The following DSCAML1 variants were observed in gnomAD, a reference collection of about 807,000 sequenced individuals.
DSCAML1 encodes the protein cell adhesion molecule DSCAML1.
DSCAML1 carries 38 observed loss-of-function variants against 200.5 expected under a neutral mutation model. The observed-to-expected ratio is 0.19, with a 90% confidence interval of 0.15 to 0.25. The LOEUF is 0.25. Ranked by LOEUF, DSCAML1 falls within the 10% of genes least tolerant of loss-of-function variation. The pLI, the probability that DSCAML1 is intolerant of heterozygous loss-of-function variation, is 1.00. For synonymous variants in DSCAML1, 1,215 were observed against 1,165.0 expected, an observed-to-expected ratio of 1.04 and a Z score of -0.87; for missense variants, 2,223 against 2,858.8, an observed-to-expected ratio of 0.78 and a Z score of 5.07.
rs1241994588 is a variant in DSCAML1, at chr11:117,803,917, G to A, written c.-250+13473C>T. On this transcript the variant is annotated intron_variant, in intron 1 of 2. Coordinates refer to the DSCAML1 transcript ENST00000525836. Reference sequence around the variant, plus strand: ...ACAGGCTGGACTTGCCAGTCCATGCGCTGGAGGATCTCAGGATGGGAGACA... The same window carrying A: ...ACAGGCTGGACTTGCCAGTCCATGCACTGGAGGATCTCAGGATGGGAGACA... Among the ~76,000 whole-genome samples the A allele has an allele frequency of 5.3e-5, 8 of 152,336 alleles. 1 individual carries two copies. In the South Asian group the frequency reaches 6.2e-4, roughly 12 times the overall value.
At chr11:117,513,600 G>C (rs1252581467) in intron 8 of DSCAML1, among the ~76,000 whole-genome samples, 1 of 152,066 alleles carries the variant, frequency 6.6e-6, no homozygotes, top group Non-Finnish European at 1.5e-5. Flanking sequence ...AATTAGCTGG[G>C]CGTGGTGGCG....
intron 3 of DSCAML1, among the ~76,000 whole-genome samples, chr11:117,532,982 A>G (rs1269552097): frequency 2.0e-5 from 3 of 148,716 alleles, no homozygotes; most frequent in Admixed American, 2.0e-4. Context: ...AAAAAAAAAA[A>G]TTAAACAATT....
At chr11:117,569,074 C>G (rs1326403491) in intron 3 of DSCAML1, among the ~76,000 whole-genome samples, 1 of 152,124 alleles carries the variant, frequency 6.6e-6, no homozygotes, top group African/African-American at 2.4e-5. Context: ...CGCATATCTA[C>G]AACTATCTGA....
intron 3 of DSCAML1, among the ~76,000 whole-genome samples, chr11:117,630,330 C>T (rs2052143815): frequency 6.6e-6 from 1 of 152,192 alleles, no homozygotes; most frequent in Non-Finnish European, 1.5e-5. Flanking sequence ...TGCCTGCTTG[C>T]TGCTAGTGGG....
chr11:117,541,322 G>A (rs866041019), intron 3 of DSCAML1, among the ~76,000 whole-genome samples: 17 of 152,314 alleles, frequency 1.1e-4, no homozygotes, highest in Middle Eastern at 3.4e-3. Flanking sequence ...TGGAGCACAC[G>A]CTGCTTCTGT....
At chr11:117,763,083 C>T (rs1031074434) in intron 3 of DSCAML1, among the ~76,000 whole-genome samples, 3 of 152,128 alleles carry the variant, frequency 2.0e-5, no homozygotes, top group African/African-American at 4.8e-5. Flanking sequence ...TTCCCCTTGC[C>T]GGTTCCTGGG....
chr11:117,442,269 TTAGTGTGTA>T (rs895733125), intron 21 of DSCAML1, among the ~76,000 whole-genome samples: 12 of 151,404 alleles, frequency 7.9e-5, no homozygotes, highest in East Asian at 2.0e-4. Context: ...TGTGCATGTA[TTAGTGTGTA>T]TAGTGTGTAT....
chr11:117,532,608 T>C lies in DSCAML1; in HGVS notation c.512-86A>G, dbSNP rs545253953. The C allele has an allele frequency of 7.5e-6, 10 of 1,329,732 alleles. No individual in the cohort carries two copies. In the African/African-American group the frequency reaches 1.3e-4, roughly 18 times the overall value. 82.4% of individuals were successfully genotyped at this position (1,329,732 alleles called of 1,614,324 possible). A position where few individuals can be genotyped will look rare whatever the true frequency, so the allele number is the denominator to read the frequency against. On this transcript the variant is annotated intron_variant, in intron 3 of 32. Coordinates refer to ENST00000651296, the MANE Select transcript of DSCAML1 (RefSeq NM_020693.4). ...GGTAGCGTCTCTGACAGATGAGGAT[T>C]TTCACACACAAACAAAATGACAAAT...
chr11:117,492,762 G>GC (rs2049211522), intron 11 of DSCAML1, among the ~76,000 whole-genome samples: 1 of 152,228 alleles, frequency 6.6e-6, no homozygotes, highest in Admixed American at 6.5e-5. Flanking sequence ...GCCTTCGACG[G>GC]CAGCGGCATC....
intron 3 of DSCAML1, among the ~76,000 whole-genome samples, chr11:117,699,024 A>G (rs972040123): frequency 6.6e-6 from 1 of 152,230 alleles, no homozygotes; most frequent in Non-Finnish European, 1.5e-5. Context: ...TCATCAAGTC[A>G]GTATGACTCA....
intron 4 of DSCAML1, 30 bp downstream of exon 4, chr11:117,532,346 G>A: frequency 6.2e-7 from 1 of 1,603,964 alleles, no homozygotes; most frequent in Non-Finnish European, 8.5e-7. Flanking sequence ...TTCCCAGCCT[G>A]CCCCGTTCTC....
At chr11:117,547,191 C>T (rs539959322) in intron 3 of DSCAML1, among the ~76,000 whole-genome samples, 8 of 152,300 alleles carry the variant, frequency 5.3e-5, no homozygotes, top group East Asian at 3.9e-4. Context: ...CAGCCGGGGG[C>T]GACAGCCTCC....
In DSCAML1 at chr11:117,438,891, T is replaced by C. The variant is rs778151808; in HGVS notation, c.4237A>G (p.Ile1413Val). ...CATCCAGACCCCTCCTCACCTCGGATGGAGCTGCCCCCATTGTCACCTGGA... is the reference window on the plus strand; with the variant it reads ...CATCCAGACCCCTCCTCACCTCGGACGGAGCTGCCCCCATTGTCACCTGGA... Reference protein sequence around the residue: ...WIPGDNGGSSIRGFVLQYSVD... With the variant: ...WIPGDNGGSSVRGFVLQYSVD... Residue 1413 changes from isoleucine to valine, a missense_variant, in exon 24 of 33, where the codon ATC becomes GTC. Physicochemically the swap from Ile to Val is conservative, Grantham distance 29. Transcript: ENST00000651296. 1 of 1,587,210 alleles carries C rather than the reference T, an allele frequency of 6.3e-7. No individual in the cohort carries two copies. The highest frequency in any genetic ancestry group is 8.5e-7 in the Non-Finnish European group (1 of 1,170,156).
intron 17 of DSCAML1, 87 bp downstream of exon 17, chr11:117,464,851 GCAAA>G: frequency 6.5e-7 from 1 of 1,548,366 alleles, no homozygotes; most frequent in Non-Finnish European, 8.7e-7. Context: ...GGGCCCAGGG[GCAAA>G]CAGAGGGACC....
rs376602423 is a variant in DSCAML1 at position 117,482,108 on chromosome 11, G to C, written c.2414C>G (p.Ala805Gly). The stretch of plus-strand genomic sequence containing the variant: ...CCGTGCCGTGCAGTTTAGCTCCTTC[G>C]CATGGCCCTTGATGGCGATGGTGGT... ...PNTTIAIKGH[A>G]KELNCTARGE... Residue 805 changes from alanine (A) to glycine (G), a missense_variant, in exon 12 of 33, where the codon GCG (alanine) becomes GGG (glycine). By Grantham distance (60) the Ala-to-Gly change is moderately conservative. Coordinates refer to ENST00000651296, the MANE Select transcript of DSCAML1 (RefSeq NM_020693.4). 3.8e-5 allele frequency: 62 copies of C among 1,614,060 alleles called. No homozygotes were observed. Among genetic ancestry groups the C allele is most frequent in the Non-Finnish European group, 4.7e-5 (55 of 1,180,016 alleles).
In DSCAML1 at chr11:117,537,583, C is replaced by G. The variant is rs189895646; in HGVS notation, c.512-5061G>C. On this transcript the variant is annotated intron_variant, in intron 3 of 32. Coordinates refer to ENST00000651296, the MANE Select transcript of DSCAML1 (RefSeq NM_020693.4). The stretch of plus-strand genomic sequence containing the variant: ...CCAACAAATTAGTGCCTCCTAGGAT[C>G]TGTGAATGTGACCTTACTGGAAATA... Among the ~76,000 whole-genome samples, 241 of 152,290 alleles carry G rather than the reference C, an allele frequency of 1.6e-3. 6 individuals are homozygous for G. Among genetic ancestry groups the G allele is most frequent in the Non-Finnish European group, 4.6e-4 (31 of 68,016 alleles).
intron 15 of DSCAML1, among the ~76,000 whole-genome samples, chr11:117,471,448 A>G (rs1289043904): frequency 2.0e-5 from 3 of 152,224 alleles, no homozygotes; most frequent in Non-Finnish European, 4.4e-5. Context: ...CTGTGATTAC[A>G]GGCATAAGCC....
intron 3 of DSCAML1, among the ~76,000 whole-genome samples, chr11:117,708,892 A>T (rs78696045): frequency 0.011 from 1,688 of 152,308 alleles, 19 homozygotes; most frequent in East Asian, 0.04. Flanking sequence ...TGCCCATTAA[A>T]TCATCTCAAG....
At chr11:117,729,257 T>C (rs2054180391) in intron 3 of DSCAML1, among the ~76,000 whole-genome samples, 8 of 152,212 alleles carry the variant, frequency 5.3e-5, no homozygotes, top group Admixed American at 5.2e-4. Context: ...TCATACCATG[T>C]ACAAAAATTA....
Sources: gnomAD v4.1 joint callset for allele counts (sites outside exome capture counted in the v4.1 genomes callset) on GRCh38, gnomAD v4.1.1 for gene constraint, MANE v1.5 for transcripts, NCBI Gene and HGNC (gene_info 2026-07-23, HGNC 2026-07-21) for gene names.